The following CDH13 variants were observed in gnomAD, a reference collection of about 807,000 sequenced individuals.
CDH13 encodes cadherin-13.
In CDH13, 24 loss-of-function variants were observed where a neutral mutation model predicts 63.8. The observed-to-expected ratio is 0.38, with a 90% CI of 0.27 to 0.53. CDH13 has a LOEUF of 0.53. Among genes scored for constraint, CDH13 ranks in the 20% least tolerant of loss-of-function variants. The probability of loss-of-function intolerance (pLI) is 0.85; values close to 1 mark genes in which losing one functional copy is unlikely to be tolerated. For missense variants in CDH13, 1,049 were observed against 903.1 expected, an observed-to-expected ratio of 1.16 and a Z score of -2.07; for synonymous variants, 503 against 355.3, an observed-to-expected ratio of 1.42 and a Z score of -4.67.
chr16:83,297,526 A>G (rs1279712372), intron 5 of CDH13, among the ~76,000 whole-genome samples: 5 of 152,092 alleles, frequency 3.3e-5, no homozygotes, highest in Non-Finnish European at 7.3e-5. Flanking sequence ...CATGCACCAG[A>G]GCACTCTTGT....
At chr16:83,551,544 G>A (rs1326924312) in intron 7 of CDH13, among the ~76,000 whole-genome samples, 1 of 152,144 alleles carries the variant, frequency 6.6e-6, no homozygotes, top group Non-Finnish European at 1.5e-5. Context: ...TGTGTGCTGT[G>A]TCTTACGTTT....
intron 2 of CDH13, among the ~76,000 whole-genome samples, chr16:82,899,484 G>T (rs955754564): frequency 7.2e-5 from 11 of 152,210 alleles, no homozygotes; most frequent in African/African-American, 2.4e-4. Flanking sequence ...CTCAGTTTCA[G>T]ATTTGTTTGA....
At chr16:83,192,788 A>G (rs1437778826) in intron 4 of CDH13, among the ~76,000 whole-genome samples, 1 of 152,118 alleles carries the variant, frequency 6.6e-6, no homozygotes, top group Non-Finnish European at 1.5e-5. Context: ...GCACCAGGCC[A>G]CTGTTGCCCA....
chr16:83,084,043 C>T (rs1379489949), intron 3 of CDH13, among the ~76,000 whole-genome samples: 1 of 152,168 alleles, frequency 6.6e-6, no homozygotes, highest in East Asian at 1.9e-4. Flanking sequence ...CACTTTGTGG[C>T]CACATGAACT....
intron 1 of CDH13, among the ~76,000 whole-genome samples, chr16:82,838,936 A>G (rs1465781041): frequency 6.6e-6 from 1 of 152,216 alleles, no homozygotes; most frequent in African/African-American, 2.4e-5. Context: ...ATAAATTTTC[A>G]GACATTGCAG....
At chr16:83,269,290 G>C (rs77686211) in intron 5 of CDH13, among the ~76,000 whole-genome samples, 15,984 of 152,138 alleles carry the variant, frequency 0.11, 1,088 homozygotes, top group African/African-American at 0.19. Context: ...ACCTAAAGTG[G>C]GGGGCAGATC....
chr16:83,737,185 A>G (rs1299311301), intron 10 of CDH13, among the ~76,000 whole-genome samples: 1 of 152,204 alleles, frequency 6.6e-6, no homozygotes, highest in Non-Finnish European at 1.5e-5. Context: ...GAAAGTGACT[A>G]CATGGCAAAG....
At chr16:83,210,296 C>T (rs2151777492) in intron 4 of CDH13, among the ~76,000 whole-genome samples, 1 of 152,032 alleles carries the variant, frequency 6.6e-6, no homozygotes, top group East Asian at 1.9e-4. Flanking sequence ...AACTCCTGAC[C>T]TCAGGTGATC....
intron 7 of CDH13, among the ~76,000 whole-genome samples, chr16:83,497,699 G>C (rs958469436): frequency 1.1e-4 from 17 of 152,078 alleles, no homozygotes; most frequent in African/African-American, 4.1e-4. Context: ...GCATTTTAAA[G>C]CTCATGCGTC....
intron 1 of CDH13, among the ~76,000 whole-genome samples, chr16:82,771,836 G>C (rs1420123077): frequency 6.6e-6 from 1 of 152,248 alleles, no homozygotes; most frequent in African/African-American, 2.4e-5. Context: ...GTTCCATTGA[G>C]ATAACTTTGG....
At chr16:82,681,680 A>G (rs1207614513) in intron 1 of CDH13, among the ~76,000 whole-genome samples, 1 of 152,182 alleles carries the variant, frequency 6.6e-6, no homozygotes, top group Non-Finnish European at 1.5e-5. Flanking sequence ...CTGCCAGCTC[A>G]GCTTCCAGTA....
chr16:82,808,711 C>A (rs34741623), intron 1 of CDH13, among the ~76,000 whole-genome samples: 34,226 of 152,046 alleles, frequency 0.23, 4,120 homozygotes, highest in Non-Finnish European at 0.28. Context: ...CAATTTTATA[C>A]AAGATAAAGA....
chr16:83,250,203 C>T (rs1905357789), intron 5 of CDH13, among the ~76,000 whole-genome samples: 2 of 152,008 alleles, frequency 1.3e-5, no homozygotes, highest in South Asian at 4.1e-4. Context: ...ATTCAGATTG[C>T]CACTATCAGA....
intron 2 of CDH13, among the ~76,000 whole-genome samples, chr16:82,861,945 G>C (rs1350856527): frequency 6.6e-6 from 1 of 152,182 alleles, no homozygotes; most frequent in Non-Finnish European, 1.5e-5. Flanking sequence ...AGTCTTGAAA[G>C]TTTATCTGGG....
intron 7 of CDH13, among the ~76,000 whole-genome samples, chr16:83,570,945 CCATATA>C (rs1567773708): frequency 9.7e-5 from 4 of 41,282 alleles, no homozygotes; most frequent in African/African-American, 3.0e-4. Flanking sequence ...TATAACTCAT[CCATATA>C]TATATATATA....
intron 11 of CDH13, among the ~76,000 whole-genome samples, chr16:83,764,960 C>G (rs563547049): frequency 6.6e-6 from 1 of 152,216 alleles, no homozygotes; most frequent in Admixed American, 6.5e-5. Flanking sequence ...CACACCACTT[C>G]GTCCCCCTAC....
At chr16:83,259,793 G>A (rs973574587) in intron 5 of CDH13, among the ~76,000 whole-genome samples, 8 of 152,062 alleles carry the variant, frequency 5.3e-5, no homozygotes, top group Non-Finnish European at 1.0e-4. Flanking sequence ...GAGGCAAAGA[G>A]GTATCCATGG....
intron 2 of CDH13, among the ~76,000 whole-genome samples, chr16:82,928,936 T>C (rs1251222483): frequency 6.6e-6 from 1 of 152,220 alleles, no homozygotes; most frequent in Non-Finnish European, 1.5e-5. Flanking sequence ...AAGAGATGTT[T>C]CAGTCTCAGT....
intron 6 of CDH13, among the ~76,000 whole-genome samples, chr16:83,378,581 G>A (rs1244283507): frequency 6.6e-6 from 1 of 152,174 alleles, no homozygotes; most frequent in African/African-American, 2.4e-5. Flanking sequence ...AGCAAATGCA[G>A]CACAGTGGAG....
Sources: gnomAD v4.1 joint callset for allele counts (sites outside exome capture counted in the v4.1 genomes callset) on GRCh38, gnomAD v4.1.1 for gene constraint, MANE v1.5 for transcripts, NCBI Gene and HGNC (gene_info 2026-07-23, HGNC 2026-07-21) for gene names.